Variants in NKAIN3 observed in about 807,000 individuals in gnomAD.
The protein encoded by NKAIN3 is sodium/potassium transporting ATPase interacting 3.
In NKAIN3, 25 loss-of-function variants were observed where a neutral mutation model predicts 30.2. The ratio of observed to expected loss-of-function variants is 0.83; its 90% CI spans 0.60 to 1.16. NKAIN3 has a LOEUF of 1.16. Ranked by LOEUF, NKAIN3 falls within the 50% of genes most tolerant of loss-of-function variation. The pLI is 0.00. For missense variants in NKAIN3, 225 were observed against 254.1 expected (o/e 0.89, Z 0.78); for synonymous variants, 91 against 89.6 (o/e 1.02, Z -0.09).
chr8:62,462,257 C>T (rs1477887470), intron 1 of NKAIN3, among the ~76,000 whole-genome samples: 1 of 151,998 alleles, frequency 6.6e-6, no homozygotes, highest in African/African-American at 2.4e-5. Context: ...CATAAGACCA[C>T]CAACTCAGAA....
intron 3 of NKAIN3, among the ~76,000 whole-genome samples, chr8:62,604,918 C>T (rs1437336884): frequency 6.6e-6 from 1 of 152,050 alleles, no homozygotes; most frequent in Non-Finnish European, 1.5e-5. Context: ...TAATCTATTC[C>T]CGCTTCTTCT....
chr8:62,468,777 G>C (rs1051282668), intron 1 of NKAIN3, among the ~76,000 whole-genome samples: 1 of 152,048 alleles, frequency 6.6e-6, no homozygotes, highest in Non-Finnish European at 1.5e-5. Context: ...TTAATGTCAT[G>C]TTTATGTTTC....
At chr8:62,775,569 A>G (rs760931066) in intron 4 of NKAIN3, among the ~76,000 whole-genome samples, 6 of 151,904 alleles carry the variant, frequency 3.9e-5, no homozygotes, top group Middle Eastern at 3.2e-3. Context: ...TAGTACTGCT[A>G]TTGCTGTATT....
intron 1 of NKAIN3, among the ~76,000 whole-genome samples, chr8:62,545,431 C>G (rs774937183): frequency 2.0e-5 from 3 of 152,030 alleles, no homozygotes; most frequent in East Asian, 3.9e-4. Flanking sequence ...ACTAAAAATA[C>G]AAAAATTAGC....
chr8:62,826,458 C>T (rs946790469), intron 4 of NKAIN3, among the ~76,000 whole-genome samples: 1 of 152,148 alleles, frequency 6.6e-6, no homozygotes, highest in African/African-American at 2.4e-5. Context: ...TTATTAAGTT[C>T]TCTTAGGCAG....
intron 1 of NKAIN3, among the ~76,000 whole-genome samples, chr8:62,459,073 A>AAAT (rs397738168): frequency 2.1e-4 from 31 of 151,020 alleles, no homozygotes; most frequent in Non-Finnish European, 4.0e-4. Flanking sequence ...AAAAAAAAAA[A>AAAT]GCCTAGCAAG....
chr8:62,932,811 T>G (rs568768049), intron 5 of NKAIN3, among the ~76,000 whole-genome samples: 1 of 152,218 alleles, frequency 6.6e-6, no homozygotes, highest in South Asian at 2.1e-4. Flanking sequence ...CAATCATAGC[T>G]CATGCAGCCT....
At chr8:62,693,537 C>A (rs1434287339) in intron 3 of NKAIN3, among the ~76,000 whole-genome samples, 1 of 152,194 alleles carries the variant, frequency 6.6e-6, no homozygotes, top group Non-Finnish European at 1.5e-5. Context: ...CCAAGTCTGA[C>A]AACAGTACAC....
chr8:62,903,390 C>G (rs968281929), intron 4 of NKAIN3, among the ~76,000 whole-genome samples: 3 of 152,114 alleles, frequency 2.0e-5, no homozygotes, highest in Non-Finnish European at 4.4e-5. Flanking sequence ...GGGAGTCACA[C>G]TCTCCCCAGA....
intron 3 of NKAIN3, among the ~76,000 whole-genome samples, chr8:62,699,353 C>G (rs1055695763): frequency 6.6e-6 from 1 of 152,152 alleles, no homozygotes; most frequent in Non-Finnish European, 1.5e-5. Flanking sequence ...CTTTGAGAAT[C>G]TATATTAAAC....
At chr8:62,776,464 A>G (rs1479124241) in intron 4 of NKAIN3, among the ~76,000 whole-genome samples, 3 of 152,044 alleles carry the variant, frequency 2.0e-5, no homozygotes, top group Non-Finnish European at 4.4e-5. Flanking sequence ...TTCTGATTTG[A>G]AGTTACAATG....
At chr8:62,633,834 C>G (rs558701758) in intron 3 of NKAIN3, among the ~76,000 whole-genome samples, 1 of 152,230 alleles carries the variant, frequency 6.6e-6, no homozygotes, top group African/African-American at 2.4e-5. Flanking sequence ...AAGAAGGCAG[C>G]CATTCCTACA....
chr8:62,265,806 ATTCAATACT>A (rs1181434806), intron 1 of NKAIN3, among the ~76,000 whole-genome samples: 1 of 152,170 alleles, frequency 6.6e-6, no homozygotes, highest in Non-Finnish European at 1.5e-5. Flanking sequence ...ATTTAAAACA[ATTCAATACT>A]TTTAACCTTT....
At chr8:62,560,163 C>G (rs767339549) in intron 1 of NKAIN3, among the ~76,000 whole-genome samples, 1 of 152,052 alleles carries the variant, frequency 6.6e-6, no homozygotes, top group Non-Finnish European at 1.5e-5. Flanking sequence ...TGCAAGTAAG[C>G]TATTGTCTTT....
In NKAIN3 at chr8:62,394,249, T is replaced by A. The variant is rs925954684; in HGVS notation, c.54+145122T>A. Among the ~76,000 whole-genome samples the A allele has an allele frequency of 2.6e-5, 4 of 152,204 alleles. No individual in the cohort carries two copies. In the South Asian group the frequency reaches 6.2e-4, roughly 24 times the overall value. On this transcript the variant is annotated intron_variant, in intron 1 of 6. Transcript: ENST00000623646. ...GTTTTCCTCCATTTCTCATTACATTTTTTTTTAAATCATGAATGGTGCTGA... is the reference window on the plus strand; with the variant it reads ...GTTTTCCTCCATTTCTCATTACATTATTTTTTAAATCATGAATGGTGCTGA...
chr8:62,439,114 C>G (rs1309753498), intron 1 of NKAIN3, among the ~76,000 whole-genome samples: 3 of 152,130 alleles, frequency 2.0e-5, no homozygotes, highest in Non-Finnish European at 4.4e-5. Flanking sequence ...CCAGATAGCT[C>G]TTGAAATATT....
chr8:62,361,888 C>T (rs1816576603), intron 1 of NKAIN3, among the ~76,000 whole-genome samples: 1 of 152,148 alleles, frequency 6.6e-6, no homozygotes, highest in African/African-American at 2.4e-5. Context: ...ATGCTCAATG[C>T]ATTCCCCTTC....
rs557983596 is a variant in NKAIN3, at chr8:62,802,563, T to C, written c.471+55434T>C. 9.9e-4 allele frequency among the ~76,000 whole-genome samples: 151 copies of C among 152,150 alleles called. 2 individuals carry two copies. The highest frequency in any genetic ancestry group is 3.5e-3 in the African/African-American group (147 of 41,496). ...AAAATACTTTACAGACAAGCAAATG[T>C]GGAGAGATTTTGTCACCACCAGGCC... On this transcript the variant is annotated intron_variant, in intron 4 of 6. Coordinates refer to ENST00000623646, the MANE Select transcript of NKAIN3 (RefSeq NM_001304533.3).
chr8:62,810,912 A>G (rs1184084111), intron 4 of NKAIN3, among the ~76,000 whole-genome samples: 1 of 152,158 alleles, frequency 6.6e-6, no homozygotes, highest in Non-Finnish European at 1.5e-5. Flanking sequence ...TGTTTTCCCC[A>G]GTAATAACTA....
Sources: allele counts gnomAD v4.1 joint callset (sites outside exome capture counted in the v4.1 genomes callset), GRCh38; gene constraint gnomAD v4.1.1; transcripts MANE v1.5; gene names NCBI Gene and HGNC (gene_info 2026-07-23, HGNC 2026-07-21).